Variants in COL26A1 observed in about 807,000 individuals in gnomAD.
COL26A1 encodes the protein collagen type XXVI alpha 1 chain.
Under a neutral mutation model 59.3 loss-of-function variants are expected in COL26A1, and 41 were observed. The ratio of observed to expected loss-of-function variants is 0.69; its 90% confidence interval spans 0.54 to 0.90. The LOEUF is 0.90. COL26A1 is among the 40% of genes least tolerant of loss of function. The pLI is 0.00. For synonymous variants in COL26A1, 266 were observed against 256.0 expected (o/e 1.04, Z -0.37); for missense variants, 612 against 602.3 (o/e 1.02, Z -0.17).
At chr7:101,448,711 C>T (rs558632941) in intron 3 of COL26A1, among the ~76,000 whole-genome samples, 2 of 152,162 alleles carry the variant, frequency 1.3e-5, no homozygotes, top group South Asian at 2.1e-4. Flanking sequence ...CAGGCTGTCT[C>T]GAACTCCTTG....
chr7:101,464,523 T>A (rs1282824814), intron 3 of COL26A1, among the ~76,000 whole-genome samples: 1 of 151,732 alleles, frequency 6.6e-6, no homozygotes, highest in African/African-American at 2.4e-5. Flanking sequence ...ACGATTCTCC[T>A]GCCTCAGCCT....
At chr7:101,388,988 G>A (rs9640666) in intron 1 of COL26A1, 134,443 of 289,214 alleles carry the variant, frequency 0.46, 32,914 homozygotes, top group Admixed American at 0.58. Context: ...GATTTTGGCC[G>A]CCATGGGGCT....
chr7:101,419,297 A>C (rs1792453443), intron 1 of COL26A1, among the ~76,000 whole-genome samples: 1 of 151,804 alleles, frequency 6.6e-6, no homozygotes, highest in Non-Finnish European at 1.5e-5. Flanking sequence ...TATTTTGTAG[A>C]GGCAGGGTCT....
chr7:101,542,575 C>G (rs927278549), intron 5 of COL26A1, among the ~76,000 whole-genome samples: 4 of 152,206 alleles, frequency 2.6e-5, no homozygotes, highest in Admixed American at 1.3e-4. Flanking sequence ...AGGGGGCGCT[C>G]TCCCTCTGCC....
At chr7:101,536,502 C>T (rs1010988755) in intron 4 of COL26A1, among the ~76,000 whole-genome samples, 2 of 152,208 alleles carry the variant, frequency 1.3e-5, no homozygotes, top group African/African-American at 4.8e-5. Context: ...GGCTAGGGGT[C>T]AGCCAGGGCA....
At chr7:101,376,340 AAAC>A (rs1193837611) in intron 1 of COL26A1, among the ~76,000 whole-genome samples, 1 of 152,182 alleles carries the variant, frequency 6.6e-6, no homozygotes, top group East Asian at 1.9e-4. Flanking sequence ...CCCCAAAACA[AAAC>A]AACAAACATA....
At chr7:101,525,955 T>C (rs573729897) in intron 3 of COL26A1, among the ~76,000 whole-genome samples, 3 of 152,324 alleles carry the variant, frequency 2.0e-5, no homozygotes, top group Admixed American at 2.0e-4. Context: ...GCCAGTCTCC[T>C]TGGGGACAGC....
At chr7:101,379,075 T>G (rs1215231206) in intron 1 of COL26A1, among the ~76,000 whole-genome samples, 1 of 152,112 alleles carries the variant, frequency 6.6e-6, no homozygotes, top group African/African-American at 2.4e-5. Context: ...CAGTTGCCTC[T>G]GGCTTCTGAC....
chr7:101,556,392 T>C (rs1795975409), intron 12 of COL26A1, among the ~76,000 whole-genome samples: 1 of 152,166 alleles, frequency 6.6e-6, no homozygotes, highest in Non-Finnish European at 1.5e-5. Flanking sequence ...AATGGATGAA[T>C]GAATAGGTGA....
chr7:101,403,416 G>C (rs886622216), intron 1 of COL26A1, among the ~76,000 whole-genome samples: 1 of 152,098 alleles, frequency 6.6e-6, no homozygotes, highest in African/African-American at 2.4e-5. Flanking sequence ...TTAATTGGGA[G>C]GCTGAGGCAG....
At chr7:101,367,033 A>G (rs1791064080) in intron 1 of COL26A1, among the ~76,000 whole-genome samples, 1 of 152,130 alleles carries the variant, frequency 6.6e-6, no homozygotes, top group Non-Finnish European at 1.5e-5. Context: ...TGCAATGTCC[A>G]CGTACTAGTT....
intron 3 of COL26A1, among the ~76,000 whole-genome samples, chr7:101,475,920 T>TC (rs1563000308): frequency 1.6e-4 from 24 of 146,506 alleles, no homozygotes; most frequent in African/African-American, 3.1e-4. Flanking sequence ...CTCTCTCTCT[T>TC]TCTTTCTCTC....
chr7:101,526,055 C>CT (rs111314494), intron 3 of COL26A1, among the ~76,000 whole-genome samples: 1,837 of 148,272 alleles, frequency 0.012, 19 homozygotes, highest in African/African-American at 0.022. Context: ...TTTCCTTTTT[C>CT]TTTTTTTTTT....
intron 1 of COL26A1, among the ~76,000 whole-genome samples, chr7:101,407,615 CAGTG>C (rs758667344): frequency 3.3e-5 from 5 of 151,802 alleles, no homozygotes; most frequent in Non-Finnish European, 7.4e-5. Flanking sequence ...GGAGAGTCCT[CAGTG>C]AGGTAGGAGA....
chr7:101,394,048 G>T (rs767671875), intron 1 of COL26A1, among the ~76,000 whole-genome samples: 5 of 152,044 alleles, frequency 3.3e-5, no homozygotes, highest in Non-Finnish European at 7.4e-5. Context: ...AAAGTGCTGG[G>T]ATTATAGGCA....
At chr7:101,502,111 A>G (rs1173217345) in intron 3 of COL26A1, among the ~76,000 whole-genome samples, 2 of 152,198 alleles carry the variant, frequency 1.3e-5, no homozygotes, top group African/African-American at 4.8e-5. Flanking sequence ...GCACTTTGGG[A>G]GGCTGGGGCA....
chr7:101,381,269 T>C (rs1584355658), intron 1 of COL26A1, among the ~76,000 whole-genome samples: 1 of 152,134 alleles, frequency 6.6e-6, no homozygotes, highest in African/African-American at 2.4e-5. Flanking sequence ...CCTTCCTCTA[T>C]CTCCAAAGGG....
At chr7:101,549,682 G>A (rs1334271770) in intron 9 of COL26A1, among the ~76,000 whole-genome samples, 5 of 152,146 alleles carry the variant, frequency 3.3e-5, no homozygotes, top group South Asian at 2.1e-4. Flanking sequence ...GCGCCCAGCC[G>A]AGATTTTAAT....
intron 3 of COL26A1, among the ~76,000 whole-genome samples, chr7:101,505,134 G>C (rs10271875): frequency 0.17 from 26,353 of 152,134 alleles, 4,888 homozygotes; most frequent in African/African-American, 0.46. Context: ...AAAGTTATGT[G>C]TGTGGATGAA....
Sources: gnomAD v4.1 joint callset for allele counts (sites outside exome capture counted in the v4.1 genomes callset) on GRCh38, gnomAD v4.1.1 for gene constraint, MANE v1.5 for transcripts, NCBI Gene and HGNC (gene_info 2026-07-23, HGNC 2026-07-21) for gene names.